Variants in ATP7A observed in about 807,000 individuals in gnomAD.
ATP7A encodes copper-transporting ATPase 1.
In ATP7A, 7 loss-of-function variants were observed where a neutral mutation model predicts 83.5. The observed-to-expected ratio is 0.08, with a 90% confidence interval of 0.05 to 0.16. The LOEUF is 0.16. Among genes scored for constraint, ATP7A ranks in the 10% least tolerant of loss-of-function variants. The pLI is 1.00. For missense variants in ATP7A, 940 were observed against 1,120.8 expected, an observed-to-expected ratio of 0.84 and a Z score of 2.30; for synonymous variants, 354 against 395.2, an observed-to-expected ratio of 0.90 and a Z score of 1.24.
At chrX:77,932,422 T>C (rs1343655057) in intron 1 of ATP7A, among the ~76,000 whole-genome samples, 1 of 90,142 alleles carries the variant, frequency 1.1e-5, no homozygotes, top group Non-Finnish European at 2.1e-5. Flanking sequence ...CTTTCCAGAC[T>C]GGGCAGCCAG....
intron 1 of ATP7A, among the ~76,000 whole-genome samples, chrX:77,955,232 A>C (rs2077434255): frequency 8.9e-6 from 1 of 111,739 alleles, no homozygotes; most frequent in African/African-American, 3.2e-5. Flanking sequence ...ACATTGTTTT[A>C]TGTTTTTAAA....
intron 2 of ATP7A, among the ~76,000 whole-genome samples, chrX:77,986,891 C>A (rs911226765): frequency 8.9e-6 from 1 of 111,928 alleles, no homozygotes; most frequent in Non-Finnish European, 1.9e-5. Context: ...TCACATAATT[C>A]TCTGCTTAAC....
Position 77,918,454 on chromosome X carries a change from A to C in ATP7A, c.-22+7619A>C, listed in dbSNP as rs528594394. Among the ~76,000 whole-genome samples the C allele has an allele frequency of 6.3e-4, 70 of 111,084 alleles. No homozygotes were observed. The South Asian group carries it at 0.013, about 20-fold the overall frequency. On this transcript the variant is annotated intron_variant, in intron 1 of 22. Transcript: ENST00000341514. ...TACCAGACTACCTTTGTCTCCTCCC[A>C]ATCTTTTATTATGGTGATGTCCAAC...
At chrX:77,944,633 T>A (rs2077368654) in intron 1 of ATP7A, among the ~76,000 whole-genome samples, 1 of 108,312 alleles carries the variant, frequency 9.2e-6, no homozygotes, top group African/African-American at 3.4e-5. Context: ...GACGGGACCT[T>A]TCTGTGTTGC....
chrX:77,931,929 C>T (rs1393103786), intron 1 of ATP7A, among the ~76,000 whole-genome samples: 5 of 95,549 alleles, frequency 5.2e-5, no homozygotes, highest in Admixed American at 4.4e-4. Flanking sequence ...CCGGACCGGG[C>T]GGCTGGCTGG....
rs2078096011 is a variant in ATP7A at position 78,048,743 on chromosome X, G to T, written c.*2173G>T. 9.0e-6 allele frequency: 1 copy of T among 111,239 alleles called. No individual in the cohort carries two copies. Among genetic ancestry groups the T allele is most frequent in the Non-Finnish European group, 1.9e-5 (1 of 53,018 alleles). 9.2% of individuals were successfully genotyped at this position (111,239 alleles called of 1,213,427 possible). A position where few individuals can be genotyped will look rare whatever the true frequency, so the allele number is the denominator to read the frequency against. ...GCCATCCTCCATGCTTTCAGTTTGA[G>T]TTTTATTATTTATTATTTTAATTCC... is the stretch of plus-strand genomic sequence containing the variant. On this transcript the variant is annotated 3_prime_UTR_variant, in exon 23 of 23. Coordinates refer to ENST00000341514, the MANE Select transcript of ATP7A (RefSeq NM_000052.7).
chrX:77,968,771 A>G (rs2077524728), intron 1 of ATP7A: 19 of 1,053,668 alleles, frequency 1.8e-5, no homozygotes, highest in South Asian at 6.3e-5. Context: ...ACAACTCAAG[A>G]TGTCTACAGA....
In ATP7A at chrX:78,048,817, A is replaced by T. The variant is rs2078096404; in HGVS notation, c.*2247A>T. On this transcript the variant is annotated 3_prime_UTR_variant, in exon 23 of 23. Transcript: ENST00000341514. The stretch of plus-strand genomic sequence containing the variant: ...TTGTTTCTTCTAGAAGACAGAGCTG[A>T]TAGGGTAAATGTTGAAAAAAGAAGC... 3 of 110,826 alleles carry T rather than the reference A, an allele frequency of 2.7e-5. No individual in the cohort carries two copies. Among genetic ancestry groups the T allele is most frequent in the South Asian group, 7.6e-4 (2 of 2,641 alleles). The allele number at this position is 110,826 out of a possible 1,213,427, so 9.1% of individuals were successfully genotyped here.
chrX:77,912,659 G>A (rs1603368452), intron 1 of ATP7A, among the ~76,000 whole-genome samples: 1 of 111,940 alleles, frequency 8.9e-6, no homozygotes, highest in Non-Finnish European at 1.9e-5. Context: ...TGTAAAACTC[G>A]CTATACTTTA....
intron 17 of ATP7A, among the ~76,000 whole-genome samples, chrX:78,036,320 G>A (rs2078013252): frequency 9.0e-6 from 1 of 111,155 alleles, no homozygotes; most frequent in Non-Finnish European, 1.9e-5. Context: ...GTGTTTGAAC[G>A]AAGATCTGAG....
At chrX:77,958,704 A>G (rs2077458655) in intron 1 of ATP7A, among the ~76,000 whole-genome samples, 1 of 109,550 alleles carries the variant, frequency 9.1e-6, no homozygotes, top group African/African-American at 3.3e-5. Flanking sequence ...TTTTAACAAT[A>G]TTAATTCTTC....
At chrX:77,981,253 T>C (rs1463589299) in intron 2 of ATP7A, among the ~76,000 whole-genome samples, 3 of 111,324 alleles carry the variant, frequency 2.7e-5, no homozygotes, top group Non-Finnish European at 5.6e-5. Context: ...TAGAGTAACA[T>C]AGGCATTTTT....
chrX:77,952,855 C>T (rs1294062886), intron 1 of ATP7A, among the ~76,000 whole-genome samples: 1 of 106,510 alleles, frequency 9.4e-6, no homozygotes, highest in African/African-American at 3.5e-5. Context: ...GAACTTGGCT[C>T]ATTGCAACCT....
intron 12 of ATP7A, among the ~76,000 whole-genome samples, chrX:78,017,147 C>T (rs782410029): frequency 1.8e-5 from 2 of 112,765 alleles, no homozygotes; most frequent in Non-Finnish European, 3.8e-5. Context: ...TTCTTGACTT[C>T]TGTGCACCTG....
chrX:77,981,298 C>T (rs1249757101), intron 2 of ATP7A, among the ~76,000 whole-genome samples: 1 of 110,974 alleles, frequency 9.0e-6, no homozygotes, highest in East Asian at 2.8e-4. Context: ...ATCATTTATC[C>T]ATGAAGATGT....
At chrX:78,008,798 A>G in intron 6 of ATP7A, among the ~76,000 whole-genome samples, 1 of 110,282 alleles carries the variant, frequency 9.1e-6, no homozygotes, top group East Asian at 2.8e-4. Flanking sequence ...GGATCACTTG[A>G]GGTCAGGAGT....
intron 13 of ATP7A, 130 bp from the exon 14 acceptor site, chrX:78,020,815 C>A: frequency 2.7e-6 from 2 of 746,615 alleles, no homozygotes; most frequent in Non-Finnish European, 4.0e-6. Context: ...GCCACCACAC[C>A]TGGCCATTAA....
At chrX:77,938,463 C>CT (rs1309100871) in intron 1 of ATP7A, among the ~76,000 whole-genome samples, 107 of 112,111 alleles carry the variant, frequency 9.5e-4, no homozygotes, top group Non-Finnish European at 8.8e-4. Context: ...GTTCTAGTTC[C>CT]TTTTTTTTCT....
At chrX:77,998,045 TA>T (rs782672124) in intron 4 of ATP7A, among the ~76,000 whole-genome samples, 26 of 105,277 alleles carry the variant, frequency 2.5e-4, no homozygotes, top group South Asian at 8.2e-4. Context: ...ACACTAAAAT[TA>T]AAAAAAAAAA....
Sources: gnomAD v4.1 joint callset for allele counts (sites outside exome capture counted in the v4.1 genomes callset) on GRCh38, gnomAD v4.1.1 for gene constraint, MANE v1.5 for transcripts, NCBI Gene and HGNC (gene_info 2026-07-23, HGNC 2026-07-21) for gene names.